Variants in ELAPOR1 observed in about 807,000 individuals in gnomAD.
The protein encoded by ELAPOR1 is endosome-lysosome associated apoptosis and autophagy regulator 1.
A neutral mutation model predicts 119.7 loss-of-function variants in ELAPOR1; 77 were observed. The ratio of observed to expected loss-of-function variants is 0.64; its 90% confidence interval spans 0.54 to 0.78. The LOEUF is 0.78. ELAPOR1 is among the 30% of genes least tolerant of loss of function. The pLI is 0.00. For synonymous variants in ELAPOR1, 481 were observed against 487.2 expected (o/e 0.99, Z 0.17); for missense variants, 1,115 against 1,270.4 (o/e 0.88, Z 1.86).
chr1:109,143,281 G>A (rs1649948116), intron 1 of ELAPOR1, among the ~76,000 whole-genome samples: 1 of 152,156 alleles, frequency 6.6e-6, no homozygotes, highest in Non-Finnish European at 1.5e-5. Flanking sequence ...GCCACAAAAA[G>A]GAATTAAGTA....
At chr1:109,187,944 T>C (rs1570711742) in intron 8 of ELAPOR1, 27 of 1,283,044 alleles carry the variant, frequency 2.1e-5, no homozygotes, top group East Asian at 2.8e-5. Flanking sequence ...GAGCTATTCC[T>C]TGTCACCCAG....
Position 109,204,953 on chromosome 1 carries a change from C to G in ELAPOR1, c.*1941C>G, listed in dbSNP as rs1654402727. The G allele has an allele frequency of 6.6e-6, 1 of 152,208 alleles. No individual in the cohort carries two copies. Among genetic ancestry groups the G allele is most frequent in the East Asian group, 1.9e-4 (1 of 5,202 alleles). The allele number at this position is 152,208 out of a possible 1,614,324, so 9.4% of individuals were successfully genotyped here. On this transcript the variant is annotated 3_prime_UTR_variant, in exon 22 of 22. Coordinates refer to ENST00000369939, the MANE Select transcript of ELAPOR1 (RefSeq NM_020775.5). ...ATACTTCTCACTATTAAGCCCCTAT[C>G]TTTCTCTTTTTTTCATTCTCAATTG...
intron 8 of ELAPOR1, among the ~76,000 whole-genome samples, chr1:109,185,693 G>A (rs890342667): frequency 2.0e-5 from 3 of 152,186 alleles, no homozygotes; most frequent in Non-Finnish European, 4.4e-5. Flanking sequence ...AGTCAGAGAC[G>A]ACTGAAACAA....
intron 8 of ELAPOR1, chr1:109,187,059 C>T (rs1440654042): frequency 1.0e-6 from 1 of 985,412 alleles, no homozygotes; most frequent in Non-Finnish European, 1.2e-6. Context: ...TGGTTCTGCT[C>T]AGTCTGGTGA....
Position 109,205,650 on chromosome 1 carries a change from G to A in ELAPOR1, c.*2638G>A, listed in dbSNP as rs952085333. 1 of 152,176 alleles carries A rather than the reference G, an allele frequency of 6.6e-6. No individual in the cohort carries two copies. Among genetic ancestry groups the A allele is most frequent in the Admixed American group, 6.5e-5 (1 of 15,268 alleles). The allele number at this position is 152,176 out of a possible 1,614,324, so 9.4% of individuals were successfully genotyped here. On this transcript the variant is annotated 3_prime_UTR_variant, in exon 22 of 22. Coordinates refer to ENST00000369939, the MANE Select transcript of ELAPOR1 (RefSeq NM_020775.5). ...CTGTCTCACTGAATAGCTTTCTTTTGTGACAAAGGCCACAGACAGCCCTTA... is the reference window on the plus strand; with the variant it reads ...CTGTCTCACTGAATAGCTTTCTTTTATGACAAAGGCCACAGACAGCCCTTA...
chr1:109,153,220 C>G (rs1489179626), intron 1 of ELAPOR1, among the ~76,000 whole-genome samples: 1 of 151,994 alleles, frequency 6.6e-6, no homozygotes, highest in East Asian at 1.9e-4. Context: ...GAAGAAAAGA[C>G]TTAGGGATGT....
intron 1 of ELAPOR1, among the ~76,000 whole-genome samples, chr1:109,134,497 G>A (rs1028260038): frequency 1.3e-5 from 2 of 151,934 alleles, no homozygotes; most frequent in African/African-American, 4.8e-5. Context: ...CTAAAACCAG[G>A]TTATTCCTGC....
rs1266370108 is a variant in ELAPOR1 at position 109,175,569 on chromosome 1, G to A, written c.952+1732G>A. The stretch of plus-strand genomic sequence containing the variant: ...AGGCCAGGGGTGGTGGCTCGCGCCT[G>A]TAATCCCAGCACTTTGGGAGGCCGA... On this transcript the variant is annotated intron_variant, in intron 7 of 21. Transcript: ENST00000369939. Among the ~76,000 whole-genome samples, 4 of 149,510 alleles carry A rather than the reference G, an allele frequency of 2.7e-5. No homozygotes were observed. In the East Asian group the frequency reaches 8.2e-4, roughly 30 times the overall value.
intron 12 of ELAPOR1, 44 bp downstream of exon 12, chr1:109,191,515 G>A: frequency 1.3e-6 from 2 of 1,556,856 alleles, no homozygotes; most frequent in Non-Finnish European, 1.8e-6. Flanking sequence ...TCCAGGGGAG[G>A]GTTAGCCCCA....
chr1:109,152,194 C>T (rs528709960), intron 1 of ELAPOR1, among the ~76,000 whole-genome samples: 4 of 152,200 alleles, frequency 2.6e-5, no homozygotes, highest in African/African-American at 7.2e-5. Context: ...ACATTCTCCC[C>T]GAAGAATCTG....
At chr1:109,196,231 A>G (rs1570727358) in intron 15 of ELAPOR1, among the ~76,000 whole-genome samples, 1 of 152,212 alleles carries the variant, frequency 6.6e-6, no homozygotes, top group Admixed American at 6.5e-5. Flanking sequence ...CCTTTACATC[A>G]TAGAGCTCTG....
chr1:109,183,328 CAAA>C (rs67807553), intron 7 of ELAPOR1, among the ~76,000 whole-genome samples: 1 of 29,436 alleles, frequency 3.4e-5, no homozygotes, highest in Non-Finnish European at 6.2e-5. Context: ...CTGTCTCTAC[CAAA>C]AAAAAAAAAA....
chr1:109,157,384 T>C (rs1403318037), intron 1 of ELAPOR1, among the ~76,000 whole-genome samples: 4 of 152,194 alleles, frequency 2.6e-5, no homozygotes, highest in Non-Finnish European at 4.4e-5. Context: ...GAAAACCTAC[T>C]GTGTGATGTG....
chr1:109,157,008 C>T (rs1188531585), intron 1 of ELAPOR1, among the ~76,000 whole-genome samples: 1 of 152,198 alleles, frequency 6.6e-6, no homozygotes, highest in Non-Finnish European at 1.5e-5. Context: ...CTTTGTTGAA[C>T]CTCCAACAAG....
intron 12 of ELAPOR1, 123 bp from the exon 13 acceptor site, chr1:109,191,603 G>T (rs643785): frequency 0.76 from 1,079,097 of 1,427,214 alleles, 415,499 homozygotes; most frequent in East Asian, 1. Flanking sequence ...AGACTGACCA[G>T]CAGGGACTTC....
At chr1:109,179,163 G>A (rs937814481) in intron 7 of ELAPOR1, among the ~76,000 whole-genome samples, 6 of 151,742 alleles carry the variant, frequency 4.0e-5, no homozygotes, top group Admixed American at 1.3e-4. Context: ...CACTTTGGGA[G>A]GCCAGGGCAG....
intron 7 of ELAPOR1, among the ~76,000 whole-genome samples, chr1:109,175,684 C>T (rs77407926): frequency 6.7e-6 from 1 of 149,662 alleles, no homozygotes; most frequent in South Asian, 2.1e-4. Context: ...AAAATTAGCC[C>T]GGCGTGGGGG....
rs749819890 is a variant in ELAPOR1, at chr1:109,172,651, G to A, written c.696+83G>A. On this transcript the variant is annotated intron_variant, in intron 5 of 21. Coordinates refer to ENST00000369939, the MANE Select transcript of ELAPOR1 (RefSeq NM_020775.5). ...CTCAGAGAGTGCTTCCTCCCAGTCT[G>A]AGCCTCCACCCCAATGTCCCTGGAG... 6.4e-4 allele frequency: 620 copies of A among 969,902 alleles called. 1 individual carries two copies. Among genetic ancestry groups the A allele is most frequent in the Non-Finnish European group, 8.5e-4 (520 of 613,154 alleles). The allele number at this position is 969,902 out of a possible 1,614,324, so 60.1% of individuals were successfully genotyped here. A position where few individuals can be genotyped will look rare whatever the true frequency, so the allele number is the denominator to read the frequency against.
At chr1:109,138,113 G>A (rs1412663886) in intron 1 of ELAPOR1, among the ~76,000 whole-genome samples, 1 of 152,180 alleles carries the variant, frequency 6.6e-6, no homozygotes, top group South Asian at 2.1e-4. Context: ...TGCCCCCAGA[G>A]CGTGGCCCCA....
Sources: allele counts gnomAD v4.1 joint callset (sites outside exome capture counted in the v4.1 genomes callset), GRCh38; gene constraint gnomAD v4.1.1; transcripts MANE v1.5; gene names NCBI Gene and HGNC (gene_info 2026-07-23, HGNC 2026-07-21).